Variants in ZFP14 observed in about 807,000 individuals in gnomAD.
ZFP14 encodes ZFP14 zinc finger protein.
A neutral mutation model predicts 54.5 loss-of-function variants in ZFP14; 22 were observed. The observed-to-expected ratio is 0.40, with a 90% CI of 0.29 to 0.58. The LOEUF is 0.58. ZFP14 is among the 20% of genes least tolerant of loss of function. ZFP14 has a pLI of 0.39. For synonymous variants in ZFP14, 159 were observed against 204.0 expected (o/e 0.78, Z 1.88); for missense variants, 470 against 637.8 (o/e 0.74, Z 2.83).
intron 2 of ZFP14, among the ~76,000 whole-genome samples, chr19:36,363,827 TA>T (rs2031750374): frequency 6.6e-6 from 1 of 151,856 alleles, no homozygotes; most frequent in African/African-American, 2.4e-5. Context: ...CTGTCTCTAC[TA>T]AAAACACAAA....
intron 1 of ZFP14, chr19:36,378,023 A>C (rs1302880639): frequency 6.6e-6 from 1 of 152,266 alleles, no homozygotes; most frequent in Non-Finnish European, 1.5e-5. Flanking sequence ...AAGCCCGCAT[A>C]GTCTGACAAA....
chr19:36,364,558 A>G (rs2031762028), intron 2 of ZFP14, among the ~76,000 whole-genome samples: 1 of 152,076 alleles, frequency 6.6e-6, no homozygotes. Context: ...AGAGCAGGGG[A>G]ACTCATGGTT....
chr19:36,338,883 A>G lies in ZFP14; in HGVS notation c.*1341T>C, dbSNP rs1318130848. The G allele has an allele frequency of 1.3e-5, 2 of 152,248 alleles. No homozygotes were observed. The highest frequency in any genetic ancestry group is 2.4e-5 in the African/African-American group (1 of 41,470). 9.4% of individuals were successfully genotyped at this position (152,248 alleles called of 1,614,324 possible). A position where few individuals can be genotyped will look rare whatever the true frequency, so the allele number is the denominator to read the frequency against. On this transcript the variant is annotated 3_prime_UTR_variant, in exon 5 of 5. Coordinates refer to ENST00000270001, the MANE Select transcript of ZFP14 (RefSeq NM_020917.3). ...ATATACACAACAATATTAAATTCCT[A>G]GGTGGTTAATTTCTTTTAAGCCACA...
At chr19:36,367,083 G>C (rs1010771267) in intron 2 of ZFP14, among the ~76,000 whole-genome samples, 1 of 151,660 alleles carries the variant, frequency 6.6e-6, no homozygotes, top group Non-Finnish European at 1.5e-5. Context: ...GAACCCAGAA[G>C]GTGGAGGTTG....
At chr19:36,374,094 C>T (rs773460642) in intron 1 of ZFP14, among the ~76,000 whole-genome samples, 15 of 152,126 alleles carry the variant, frequency 9.9e-5, no homozygotes, top group Non-Finnish European at 2.1e-4. Context: ...GACACTAGGT[C>T]GGTCCACATT....
chr19:36,347,578 T>C (rs556480519), intron 4 of ZFP14, among the ~76,000 whole-genome samples: 43 of 151,252 alleles, frequency 2.8e-4, no homozygotes, highest in African/African-American at 1.0e-3. Flanking sequence ...CACTGCACTA[T>C]AGCCTGGGTG....
chr19:36,367,663 C>G (rs2031815126), intron 2 of ZFP14, among the ~76,000 whole-genome samples: 1 of 152,080 alleles, frequency 6.6e-6, no homozygotes, highest in African/African-American at 2.4e-5. Flanking sequence ...AGGGTTTCAC[C>G]ATGTTGGCCA....
chr19:36,345,236 G>A (rs550897704), intron 4 of ZFP14, among the ~76,000 whole-genome samples: 18 of 152,284 alleles, frequency 1.2e-4, no homozygotes, highest in Non-Finnish European at 2.2e-4. Context: ...GCACTCCAGC[G>A]TGAGCAACAA....
chr19:36,336,760 G>C lies in ZFP14; in HGVS notation c.*3464C>G, dbSNP rs2031205790. 6.6e-6 allele frequency: 1 copy of C among 152,132 alleles called. No individual in the cohort carries two copies. Among genetic ancestry groups the C allele is most frequent in the African/African-American group, 2.4e-5 (1 of 41,418 alleles). 9.4% of individuals were successfully genotyped at this position (152,132 alleles called of 1,614,324 possible). A position where few individuals can be genotyped will look rare whatever the true frequency, so the allele number is the denominator to read the frequency against. On this transcript the variant is annotated 3_prime_UTR_variant, in exon 5 of 5. Coordinates refer to ENST00000270001, the MANE Select transcript of ZFP14 (RefSeq NM_020917.3). ...CAGAACTTTGATTATATCTGACAAG[G>C]TTAGATGTGCAGGCATCTCACTGTC...
intron 2 of ZFP14, among the ~76,000 whole-genome samples, chr19:36,363,895 C>T (rs2031751590): frequency 6.6e-6 from 1 of 151,778 alleles, no homozygotes; most frequent in Admixed American, 6.6e-5. Flanking sequence ...GAGGCTGACG[C>T]AGTAGAATCA....
At chr19:36,370,924 A>G (rs554945407) in intron 1 of ZFP14, among the ~76,000 whole-genome samples, 2 of 152,344 alleles carry the variant, frequency 1.3e-5, no homozygotes, top group East Asian at 3.9e-4. Flanking sequence ...ATAAAGTGCC[A>G]GTGATTGACT....
Position 36,352,588 on chromosome 19 carries a change from G to C in ZFP14, c.235+7847C>G, listed in dbSNP as rs944296356. 7.0e-5 allele frequency among the ~76,000 whole-genome samples: 10 copies of C among 142,654 alleles called. 1 individual carries two copies. Among genetic ancestry groups the C allele is most frequent in the African/African-American group, 2.1e-4 (8 of 38,854 alleles). The allele number at this position is 142,654 out of a possible 152,430, so 93.6% of individuals were successfully genotyped here. Reference sequence around the variant, plus strand: ...AAGGTGGGAGAATCCCTTGAGGCCAGGAGTTTTAGAGCAACCTGGCAACAC... The same window carrying C: ...AAGGTGGGAGAATCCCTTGAGGCCACGAGTTTTAGAGCAACCTGGCAACAC... On this transcript the variant is annotated intron_variant, in intron 4 of 4. Transcript: ENST00000270001.
intron 1 of ZFP14, among the ~76,000 whole-genome samples, chr19:36,369,468 TG>T: frequency 6.6e-6 from 1 of 152,304 alleles, no homozygotes; most frequent in Admixed American, 6.5e-5. Context: ...TGAACTGCAG[TG>T]GCATGACCAT....
At chr19:36,356,204 G>A (rs1304912835) in intron 4 of ZFP14, among the ~76,000 whole-genome samples, 2 of 151,826 alleles carry the variant, frequency 1.3e-5, no homozygotes, top group East Asian at 3.9e-4. Context: ...GGAGGCTGAG[G>A]TGGATGGATC....
At chr19:36,372,058 GAAA>G (rs1183946677) in intron 1 of ZFP14, among the ~76,000 whole-genome samples, 1 of 131,306 alleles carries the variant, frequency 7.6e-6, no homozygotes, top group African/African-American at 2.9e-5. Context: ...AGGAAAGAAA[GAAA>G]AAGAAGAAAG....
At chr19:36,361,508 A>C (rs1418935398) in intron 3 of ZFP14, among the ~76,000 whole-genome samples, 1 of 150,842 alleles carries the variant, frequency 6.6e-6, no homozygotes, top group Non-Finnish European at 1.5e-5. Flanking sequence ...CTAAAGTGCT[A>C]GGATTACAGG....
chr19:36,354,977 T>C (rs1344726918), intron 4 of ZFP14, among the ~76,000 whole-genome samples: 1 of 142,806 alleles, frequency 7.0e-6, no homozygotes, highest in African/African-American at 2.6e-5. Flanking sequence ...TGGCCCTTCT[T>C]ACTTTTCTTA....
intron 1 of ZFP14, among the ~76,000 whole-genome samples, chr19:36,371,908 T>A: frequency 7.0e-6 from 1 of 142,418 alleles, no homozygotes. Flanking sequence ...CAGTGAGCTA[T>A]GATCATGCCA....
At chr19:36,342,027 T>G (rs891365646) in intron 4 of ZFP14, among the ~76,000 whole-genome samples, 1 of 151,804 alleles carries the variant, frequency 6.6e-6, no homozygotes, top group African/African-American at 2.4e-5. Context: ...AATTTTTTTT[T>G]GTATTTTTTA....
Sources: gnomAD v4.1 joint callset for allele counts (sites outside exome capture counted in the v4.1 genomes callset) on GRCh38, gnomAD v4.1.1 for gene constraint, MANE v1.5 for transcripts, NCBI Gene and HGNC (gene_info 2026-07-23, HGNC 2026-07-21) for gene names.